DPP6: variants seen among roughly 807,000 people sequenced by gnomAD.
The protein encoded by DPP6 is A-type potassium channel modulatory protein DPP6.
DPP6 carries 69 observed loss-of-function variants against 122.6 expected under a neutral mutation model. That is an observed-to-expected ratio of 0.56 (90% confidence interval 0.46 to 0.69). DPP6 has a LOEUF of 0.69. Among genes scored for constraint, DPP6 ranks in the 30% least tolerant of loss-of-function variants. The pLI is 0.00. For synonymous variants in DPP6, 418 were observed against 433.1 expected, an observed-to-expected ratio of 0.97 and a Z score of 0.43; for missense variants, 928 against 1,116.9, an observed-to-expected ratio of 0.83 and a Z score of 2.41.
chr7:153,925,820 A>G (rs190056673), intron 1 of DPP6, among the ~76,000 whole-genome samples: 48 of 152,364 alleles, frequency 3.2e-4, no homozygotes, highest in African/African-American at 1.1e-3. Flanking sequence ...TGTTTCTACA[A>G]ACTCTAAAGT....
chr7:154,265,288 G>A (rs1473728599), intron 1 of DPP6, among the ~76,000 whole-genome samples: 1 of 152,160 alleles, frequency 6.6e-6, no homozygotes, highest in Non-Finnish European at 1.5e-5. Context: ...TAATGATGAT[G>A]ATGGTGATGC....
At chr7:154,178,480 T>C (rs1371621958) in intron 1 of DPP6, among the ~76,000 whole-genome samples, 1 of 151,242 alleles carries the variant, frequency 6.6e-6, no homozygotes, top group African/African-American at 2.4e-5. Flanking sequence ...TGTTTCACAG[T>C]TTTATTAAGT....
intron 1 of DPP6, among the ~76,000 whole-genome samples, chr7:154,044,711 C>G (rs1474015597): frequency 6.6e-6 from 1 of 151,942 alleles, no homozygotes; most frequent in Non-Finnish European, 1.5e-5. Context: ...TATAATGAAC[C>G]CTTTAACATG....
At chr7:153,958,241 G>C (rs369911285) in intron 1 of DPP6, among the ~76,000 whole-genome samples, 243 of 152,264 alleles carry the variant, frequency 1.6e-3, no homozygotes, top group African/African-American at 5.5e-3. Flanking sequence ...CTGTTTTCCT[G>C]TGTAAGAGGT....
intron 1 of DPP6, among the ~76,000 whole-genome samples, chr7:154,204,840 G>A (rs1375945112): frequency 4.0e-5 from 6 of 151,784 alleles, no homozygotes; most frequent in Non-Finnish European, 7.4e-5. Context: ...TGTTTATACC[G>A]TATATATGGA....
chr7:154,199,676 C>T (rs574404115), intron 1 of DPP6, among the ~76,000 whole-genome samples: 2 of 151,018 alleles, frequency 1.3e-5, no homozygotes, highest in African/African-American at 4.9e-5. Context: ...GTGGTGTGAT[C>T]CTGGCTCACT....
At chr7:153,939,424 A>G (rs1801599889) in intron 1 of DPP6, among the ~76,000 whole-genome samples, 1 of 152,240 alleles carries the variant, frequency 6.6e-6, no homozygotes, top group Admixed American at 6.5e-5. Context: ...CAGAGAGTGC[A>G]CAGCTTTCCA....
At chr7:153,814,594 C>T in the DPP6 span, among the ~76,000 whole-genome samples, 1 of 152,094 alleles carries the variant, frequency 6.6e-6, no homozygotes, top group Non-Finnish European at 1.5e-5. Flanking sequence ...GGGAATCCTC[C>T]CTAATTCATT....
At chr7:153,789,577 G>A in the DPP6 span, among the ~76,000 whole-genome samples, 1 of 152,166 alleles carries the variant, frequency 6.6e-6, no homozygotes, top group African/African-American at 2.4e-5. Context: ...TACAGGCACA[G>A]CTGGATGCTA....
chr7:154,104,910 A>C (rs1276212952), intron 1 of DPP6, among the ~76,000 whole-genome samples: 1 of 152,112 alleles, frequency 6.6e-6, no homozygotes, highest in African/African-American at 2.4e-5. Context: ...ATTAGGTTTG[A>C]GGCTGGGAGT....
chr7:154,124,674 G>A (rs1807746543), intron 1 of DPP6, among the ~76,000 whole-genome samples: 1 of 152,206 alleles, frequency 6.6e-6, no homozygotes, highest in Non-Finnish European at 1.5e-5. Context: ...AAGTATGATG[G>A]CATCTATGCT....
At chr7:154,064,032 A>T (rs565489130) in intron 1 of DPP6, among the ~76,000 whole-genome samples, 1,580 of 152,056 alleles carry the variant, frequency 0.01, 18 homozygotes, top group Non-Finnish European at 0.012. Context: ...TCCAGGAGTT[A>T]TTGCAACCCA....
the DPP6 span, among the ~76,000 whole-genome samples, chr7:153,827,123 T>C: frequency 6.6e-6 from 1 of 152,122 alleles, no homozygotes; most frequent in Non-Finnish European, 1.5e-5. Context: ...GATAAAATAT[T>C]CTAAAGAAAT....
At chr7:154,305,542 G>A (rs756169668) in intron 1 of DPP6, 3 of 1,603,048 alleles carry the variant, frequency 1.9e-6, no homozygotes, top group Non-Finnish European at 2.6e-6. Context: ...CCGTGCAGCA[G>A]CAGGAACAGG....
At chr7:154,870,775 C>A (rs1364953943) in intron 18 of DPP6, among the ~76,000 whole-genome samples, 1 of 151,924 alleles carries the variant, frequency 6.6e-6, no homozygotes, top group Non-Finnish European at 1.5e-5. Flanking sequence ...CCAGCCTGGC[C>A]AACATGGTGA....
At chr7:153,998,377 C>T (rs1343900688) in intron 1 of DPP6, among the ~76,000 whole-genome samples, 2 of 152,192 alleles carry the variant, frequency 1.3e-5, no homozygotes, top group East Asian at 3.8e-4. Flanking sequence ...CAACCACTTA[C>T]ATTGTTTTAT....
chr7:154,784,152 T>A (rs1030378646), intron 10 of DPP6, among the ~76,000 whole-genome samples: 1 of 152,116 alleles, frequency 6.6e-6, no homozygotes, highest in African/African-American at 2.4e-5. Context: ...TGGAACCTCC[T>A]GCATGGCGTG....
At chr7:154,640,751 T>C (rs1241885027) in intron 6 of DPP6, among the ~76,000 whole-genome samples, 1 of 152,104 alleles carries the variant, frequency 6.6e-6, no homozygotes, top group East Asian at 1.9e-4. Context: ...GAAAGCACAA[T>C]TGTCTTTTAA....
intron 3 of DPP6, among the ~76,000 whole-genome samples, chr7:154,527,593 AGAT>A (rs1203291627): frequency 6.6e-6 from 1 of 152,234 alleles, no homozygotes; most frequent in Non-Finnish European, 1.5e-5. Flanking sequence ...AACTAAAAGA[AGAT>A]GATAGGAGAA....
Sources: allele counts gnomAD v4.1 joint callset (sites outside exome capture counted in the v4.1 genomes callset), GRCh38; gene constraint gnomAD v4.1.1; transcripts MANE v1.5; gene names NCBI Gene and HGNC (gene_info 2026-07-23, HGNC 2026-07-21).